The following MROH1 variants were observed in gnomAD, a reference collection of about 807,000 sequenced individuals.
MROH1 encodes the protein maestro heat like repeat family member 1.
In MROH1, 117 loss-of-function variants were observed where a neutral mutation model predicts 116.5. The observed-to-expected ratio is 1.00, with a 90% CI of 0.86 to 1.17. MROH1 has a LOEUF of 1.17. MROH1 is among the 50% of genes most tolerant of loss of function. MROH1 has a pLI of 0.00. For synonymous variants in MROH1, 921 were observed against 583.9 expected (o/e 1.58, Z -8.32); for missense variants, 1,873 against 1,338.5 (o/e 1.40, Z -6.23).
chr8:144,178,004 G>T (rs538591851), intron 4 of MROH1, among the ~76,000 whole-genome samples: 1 of 148,028 alleles, frequency 6.8e-6, no homozygotes, highest in Admixed American at 6.8e-5. Context: ...TTGCTCTGTC[G>T]CCCAGGCTGG....
chr8:144,240,403 C>G (rs1222451591), intron 19 of MROH1, among the ~76,000 whole-genome samples, 167 bp from the exon 20 acceptor site: 3 of 152,182 alleles, frequency 2.0e-5, no homozygotes, highest in Non-Finnish European at 4.4e-5. Flanking sequence ...GCCTGGTGAG[C>G]CAACTGTGGC....
chr8:144,169,820 T>G (rs1423023196), intron 4 of MROH1, among the ~76,000 whole-genome samples: 1 of 149,892 alleles, frequency 6.7e-6, no homozygotes, highest in Non-Finnish European at 1.5e-5. Context: ...TTTTGTATTT[T>G]TATTTTTATT....
chr8:144,164,722 C>T (rs1399395835), intron 3 of MROH1, among the ~76,000 whole-genome samples: 1 of 151,898 alleles, frequency 6.6e-6, no homozygotes, highest in African/African-American at 2.4e-5. Flanking sequence ...AATGAACATG[C>T]TCTCTCCAGG....
chr8:144,223,778 T>C (rs1402014829), intron 14 of MROH1, among the ~76,000 whole-genome samples: 1 of 152,216 alleles, frequency 6.6e-6, no homozygotes, highest in Admixed American at 6.5e-5. Flanking sequence ...CATCGGTGCT[T>C]GAGTCCCTGC....
At position 144,261,651 on chromosome 8, in the gene MROH1, C is replaced by T. The variant is rs1475490258; in HGVS notation, c.4841-4C>T. ...CGCAGGCAGCCCCCCTCCTCTACCC[C>T]CAGCGCTCCAGATCCTGCTGAAGGA... On this transcript the variant is annotated splice_polypyrimidine_tract_variant and splice_region_variant and intron_variant, in intron 43 of 43. Transcript: ENST00000326134. 2.8e-6 allele frequency: 2 copies of T among 716,052 alleles called. No individual in the cohort carries two copies. Among genetic ancestry groups the T allele is most frequent in the African/African-American group, 1.7e-5 (1 of 57,376 alleles). 44.4% of individuals were successfully genotyped at this position (716,052 alleles called of 1,614,324 possible). A position where few individuals can be genotyped will look rare whatever the true frequency, so the allele number is the denominator to read the frequency against.
rs1258612599 is a variant in MROH1, at chr8:144,239,537, G to A, written c.1633-77G>A. On this transcript the variant is annotated intron_variant, in intron 17 of 43. Coordinates refer to ENST00000326134, the MANE Select transcript of MROH1 (RefSeq NM_032450.3). ...AGAGCCAGGCTCCCCGTCGGGTGAT[G>A]TGGTCCTGCAGGTGCAGGTTGTGGG... The A allele has an allele frequency of 5.3e-6, 4 of 760,324 alleles. No individual in the cohort carries two copies. In the East Asian group the frequency reaches 9.9e-5, roughly 19 times the overall value. 47.1% of individuals were successfully genotyped at this position (760,324 alleles called of 1,614,324 possible).
At chr8:144,183,476 G>A (rs373518656) in intron 7 of MROH1, among the ~76,000 whole-genome samples, 17 of 150,634 alleles carry the variant, frequency 1.1e-4, no homozygotes, top group African/African-American at 2.9e-4. Context: ...TCCCACTGCC[G>A]AATACCTGGA....
In MROH1 at chr8:144,215,795, C is replaced by G. The variant is rs533088609; in HGVS notation, c.1142-4805C>G. On this transcript the variant is annotated intron_variant, in intron 12 of 43. Coordinates refer to ENST00000326134, the MANE Select transcript of MROH1 (RefSeq NM_032450.3). ...GGCTGAGGCAGGAGAATGGCGTGAA[C>G]CTGGGTGGCAGAGCTTGCAGTGAGC... Among the ~76,000 whole-genome samples the G allele has an allele frequency of 4.6e-4, 69 of 150,406 alleles. 1 individual carries two copies. The highest frequency in any genetic ancestry group is 1.6e-3 in the African/African-American group (67 of 40,814).
chr8:144,218,720 T>TCC (rs1356874971), intron 12 of MROH1, among the ~76,000 whole-genome samples: 1 of 58,830 alleles, frequency 1.7e-5, no homozygotes, highest in Non-Finnish European at 3.2e-5. Flanking sequence ...CTGTCCCCCC[T>TCC]CCCCTCCCCT....
chr8:144,191,607 T>C, intron 8 of MROH1, 108 bp from the exon 9 acceptor site: 1 of 1,432,904 alleles, frequency 7.0e-7, no homozygotes, highest in Non-Finnish European at 9.4e-7. Flanking sequence ...TAGCACCCAC[T>C]GGTAGCCCAG....
chr8:144,209,074 T>TGTGTG (rs1833515725), intron 12 of MROH1, among the ~76,000 whole-genome samples: 3 of 138,050 alleles, frequency 2.2e-5, no homozygotes, highest in African/African-American at 8.2e-5. Context: ...TGTGTGTGTG[T>TGTGTG]TTAGTGGAGA....
rs1401809465 is a variant in MROH1 at position 144,247,374 on chromosome 8, C to T, written c.2945C>T (p.Ala982Val). 5.2e-6 allele frequency: 4 copies of T among 771,090 alleles called. No individual in the cohort carries two copies. The highest frequency in any genetic ancestry group is 7.2e-6 in the Non-Finnish European group (3 of 414,056). 47.8% of individuals were successfully genotyped at this position (771,090 alleles called of 1,614,324 possible). A position where few individuals can be genotyped will look rare whatever the true frequency, so the allele number is the denominator to read the frequency against. ...CCACGGTGTGCGGACCTGTGGCCTG[C>T]CACCCGCCAGGAGGCCGTGGACTGT... ...FSPRCADLWP[A>V]TRQEAVDCVY... The change falls in exon 30 of 44, where the codon GCC becomes GTC. Residue 982 changes from alanine (A) to valine (V), a missense_variant. Coordinates refer to ENST00000326134, the MANE Select transcript of MROH1 (RefSeq NM_032450.3).
rs1353783215 is a variant in MROH1, at chr8:144,240,644, G to A, written c.1902G>A (p.Gln634=). 2.2e-5 allele frequency: 16 copies of A among 717,334 alleles called. No homozygotes were observed. Among genetic ancestry groups the A allele is most frequent in the Non-Finnish European group, 4.2e-5 (16 of 384,954 alleles). 44.4% of individuals were successfully genotyped at this position (717,334 alleles called of 1,614,324 possible). A position where few individuals can be genotyped will look rare whatever the true frequency, so the allele number is the denominator to read the frequency against. The change falls in exon 20 of 44, where the codon CAG becomes CAA. Residue 634 remains glutamine (Q), a synonymous_variant. Transcript: ENST00000326134. The part of the protein sequence containing the change: ...ICQLSLELCR[Q]LPCYDEAPQE... ...AGCTGAGCCTGGAGCTGTGCAGGCA[G>A]CTGCCCTGCTACGATGAGGCACCCC...
chr8:144,158,993 A>AG lies in MROH1; in HGVS notation c.-176-1976dup, dbSNP rs556165549. 4.6e-5 allele frequency among the ~76,000 whole-genome samples: 7 copies of AG among 152,162 alleles called. No individual in the cohort carries two copies. In the South Asian group the frequency reaches 1.5e-3, roughly 32 times the overall value. On this transcript the variant is annotated intron_variant, in intron 1 of 43. Coordinates refer to ENST00000326134, the MANE Select transcript of MROH1 (RefSeq NM_032450.3). ...AGCTCAAGCATTCAAACTGCCTCGT[A>AG]GCCTCCCAAAGTGCCAAGATTACAG...
At chr8:144,243,020 G>T (rs1251957593) in intron 24 of MROH1, among the ~76,000 whole-genome samples, 1 of 152,240 alleles carries the variant, frequency 6.6e-6, no homozygotes, top group Non-Finnish European at 1.5e-5. Context: ...GGAAGTGGCA[G>T]TGGAGGCTCC....
At chr8:144,250,186 GACC>G in intron 32 of MROH1, 23 bp from the exon 33 acceptor site, 1 of 761,168 alleles carries the variant, frequency 1.3e-6, no homozygotes, top group East Asian at 2.4e-5. Context: ...CGCGTGGCCT[GACC>G]ACCGTGTCCC....
chr8:144,229,601 G>C (rs977209975), intron 14 of MROH1, among the ~76,000 whole-genome samples: 1 of 152,010 alleles, frequency 6.6e-6, no homozygotes, highest in African/African-American at 2.4e-5. Context: ...ATGTTGCCCA[G>C]GTTGGTCTTA....
chr8:144,251,272 C>T, intron 33 of MROH1: 1 of 152,996 alleles, frequency 6.5e-6, no homozygotes, highest in Non-Finnish European at 1.5e-5. Context: ...GTCTGGTGGC[C>T]CTGCTCCTTC....
Position 144,166,757 on chromosome 8 carries a change from G to A in MROH1, c.23-1538G>A, listed in dbSNP as rs114670806. Among the ~76,000 whole-genome samples the A allele has an allele frequency of 2.0e-3, 297 of 152,254 alleles. 1 individual carries two copies. Among genetic ancestry groups the A allele is most frequent in the African/African-American group, 6.9e-3 (287 of 41,548 alleles). The stretch of plus-strand genomic sequence containing the variant: ...TGCAAAGCAGTGAGGAGGTGGGGTC[G>A]AGGGAGGGGGGACTAGCCTCACTGC... On this transcript the variant is annotated intron_variant, in intron 3 of 43. Coordinates refer to ENST00000326134, the MANE Select transcript of MROH1 (RefSeq NM_032450.3).
Sources: allele counts gnomAD v4.1 joint callset (sites outside exome capture counted in the v4.1 genomes callset), GRCh38; gene constraint gnomAD v4.1.1; transcripts MANE v1.5; gene names NCBI Gene and HGNC (gene_info 2026-07-23, HGNC 2026-07-21).